SPEF2: variants seen among roughly 807,000 people sequenced by gnomAD.
SPEF2 encodes sperm flagella and cilia-associated protein 2.
In SPEF2, 187 loss-of-function variants were observed where a neutral mutation model predicts 224.6. The observed-to-expected ratio is 0.83, with a 90% CI of 0.74 to 0.94. The LOEUF (loss-of-function observed/expected upper bound fraction) is 0.94. Among genes scored for constraint, SPEF2 ranks in the 40% least tolerant of loss-of-function variants. The pLI is 0.00. For missense variants in SPEF2, 2,170 were observed against 2,135.6 expected (o/e 1.02, Z -0.32); for synonymous variants, 715 against 707.3 (o/e 1.01, Z -0.17).
At chr5:35,683,682 G>A (rs768043244) in intron 10 of SPEF2, among the ~76,000 whole-genome samples, 3 of 152,146 alleles carry the variant, frequency 2.0e-5, no homozygotes, top group Admixed American at 6.5e-5. Flanking sequence ...TTTTGACCAC[G>A]GGCAGAGTCT....
chr5:35,644,280 A>G lies in SPEF2; in HGVS notation c.415-75A>G, dbSNP rs1747032680. The G allele has an allele frequency of 1.1e-5, 14 of 1,274,502 alleles. 1 individual carries two copies. The South Asian group carries it at 2.7e-4, about 25-fold the overall frequency. 78.9% of individuals were successfully genotyped at this position (1,274,502 alleles called of 1,614,324 possible). On this transcript the variant is annotated intron_variant, in intron 3 of 36. Coordinates refer to ENST00000356031, the MANE Select transcript of SPEF2 (RefSeq NM_024867.4). ...TTAAAGAATTTCATTTTGAAGACAA[A>G]TTTTATTTGTGCTTATAATGAAAAT...
intron 8 of SPEF2, among the ~76,000 whole-genome samples, chr5:35,660,379 G>A (rs915690465): frequency 6.6e-6 from 1 of 152,154 alleles, no homozygotes; most frequent in African/African-American, 2.4e-5. Context: ...GGAGGGCAGT[G>A]TTTTATTTAC....
rs1554053681 is a variant in SPEF2 at position 35,769,989 on chromosome 5, A to ATATCTGTGTGTGTGTG, written c.3802-1619_3802-1618insATCTGTGTGTGTGTGT. The stretch of plus-strand genomic sequence containing the variant: ...ACCCTGTGTTGCTACTGCCTCCATA[A>ATATCTGTGTGTGTGTG]TGTGTGTGTGTGTGTGTGTGTGTGT... On this transcript the variant is annotated intron_variant, in intron 26 of 36. Coordinates refer to ENST00000356031, the MANE Select transcript of SPEF2 (RefSeq NM_024867.4). 1.6e-4 allele frequency among the ~76,000 whole-genome samples: 23 copies of ATATCTGTGTGTGTGTG among 142,258 alleles called. 1 individual carries two copies. Among genetic ancestry groups the ATATCTGTGTGTGTGTG allele is most frequent in the African/African-American group, 2.7e-4 (10 of 37,546 alleles). 93.3% of individuals were successfully genotyped at this position (142,258 alleles called of 152,430 possible). A position where few individuals can be genotyped will look rare whatever the true frequency, so the allele number is the denominator to read the frequency against.
chr5:35,751,063 A>ACATACG lies in SPEF2; in HGVS notation c.3331-2561_3331-2560insCATACG, dbSNP rs1749485959. 1.8e-4 allele frequency among the ~76,000 whole-genome samples: 5 copies of ACATACG among 28,414 alleles called. 1 individual carries two copies. Among genetic ancestry groups the ACATACG allele is most frequent in the East Asian group, 1.0e-3 (1 of 998 alleles). The allele number at this position is 28,414 out of a possible 152,430, so 18.6% of individuals were successfully genotyped here. ...CATATGTATATATATATACGTATATATATGTATATATATATACACACACAC... is the reference window on the plus strand; with the variant it reads ...CATATGTATATATATATACGTATATACATACGTATGTATATATATATACACACACAC... On this transcript the variant is annotated intron_variant, in intron 23 of 36. Transcript: ENST00000356031.
At chr5:35,618,208 T>G (rs1288089532) in intron 1 of SPEF2, among the ~76,000 whole-genome samples, 153 bp downstream of exon 1, 1 of 152,168 alleles carries the variant, frequency 6.6e-6, no homozygotes, top group South Asian at 2.1e-4. Context: ...AGTGAGCAAC[T>G]CGGCTCGGCG....
At chr5:35,656,045 TATTG>T (rs1554021605) in intron 7 of SPEF2, among the ~76,000 whole-genome samples, 1 of 152,126 alleles carries the variant, frequency 6.6e-6, no homozygotes, top group Non-Finnish European at 1.5e-5. Context: ...CAATAAGACT[TATTG>T]ATTCATTAAA....
At chr5:35,683,888 T>A (rs1561191759) in intron 10 of SPEF2, 1 of 152,228 alleles carries the variant, frequency 6.6e-6, no homozygotes, top group Non-Finnish European at 1.5e-5. Flanking sequence ...ATTTCCTGCA[T>A]GTTCATGACA....
chr5:35,716,886 G>A (rs566839359), intron 20 of SPEF2, among the ~76,000 whole-genome samples: 24 of 151,896 alleles, frequency 1.6e-4, no homozygotes, highest in African/African-American at 5.6e-4. Flanking sequence ...TCCTGCTGTC[G>A]ATGTCTTTGA....
At chr5:35,789,864 A>G (rs370931390) in intron 30 of SPEF2, 12 of 702,932 alleles carry the variant, frequency 1.7e-5, no homozygotes, top group South Asian at 3.0e-5. Flanking sequence ...GAAGCTGCCA[A>G]TGTGAAACTT....
intron 10 of SPEF2, among the ~76,000 whole-genome samples, chr5:35,681,696 A>AT (rs577087355): frequency 1.3e-5 from 2 of 152,200 alleles, no homozygotes; most frequent in African/African-American, 2.4e-5. Context: ...GATTTCATAA[A>AT]TTTTTTTTGT....
At chr5:35,651,084 G>A (rs571032684) in intron 6 of SPEF2, among the ~76,000 whole-genome samples, 86 of 152,250 alleles carry the variant, frequency 5.6e-4, no homozygotes, top group African/African-American at 2.0e-3. Context: ...AAGGAAGACA[G>A]ACAAAAAAGT....
At chr5:35,732,488 G>A (rs1404967462) in intron 21 of SPEF2, among the ~76,000 whole-genome samples, 1 of 151,996 alleles carries the variant, frequency 6.6e-6, no homozygotes, top group Non-Finnish European at 1.5e-5. Flanking sequence ...ATGTTAGAGG[G>A]GCATTAAAAG....
At chr5:35,647,050 C>G (rs1225956882) in intron 5 of SPEF2, among the ~76,000 whole-genome samples, 1 of 150,862 alleles carries the variant, frequency 6.6e-6, no homozygotes, top group Non-Finnish European at 1.5e-5. Flanking sequence ...AAATGGCAGT[C>G]TGGACTCCTG....
At chr5:35,813,030 A>C (rs900727712) in intron 36 of SPEF2, among the ~76,000 whole-genome samples, 1 of 152,232 alleles carries the variant, frequency 6.6e-6, no homozygotes, top group African/African-American at 2.4e-5. Context: ...TCAGCTATAA[A>C]TTTAGCTAAG....
chr5:35,736,620 C>T (rs1329949708), intron 21 of SPEF2, among the ~76,000 whole-genome samples: 1 of 152,152 alleles, frequency 6.6e-6, no homozygotes, highest in East Asian at 1.9e-4. Flanking sequence ...AGGTCCTTCC[C>T]TTGACACATG....
rs1750611605 is a variant in SPEF2 at position 35,667,278 on chromosome 5, A to G, written c.1355+19A>G. The G allele has an allele frequency of 1.3e-6, 2 of 1,577,412 alleles. No individual in the cohort carries two copies. The highest frequency in any genetic ancestry group is 1.1e-5 in the South Asian group (1 of 86,960). ...CAAATAAGTAAGTATTTTTTTTGTA[A>G]TAACAGTAGAGACACGATAGAGAAT... is the stretch of plus-strand genomic sequence containing the variant. On this transcript the variant is annotated intron_variant, in intron 9 of 36. Transcript: ENST00000356031.
chr5:35,706,323 A>G (rs974620066), intron 18 of SPEF2, among the ~76,000 whole-genome samples: 2 of 151,786 alleles, frequency 1.3e-5, no homozygotes, highest in African/African-American at 4.8e-5. Flanking sequence ...TATTAAATTG[A>G]TTATTAATTA....
At chr5:35,793,922 G>A (rs1326029175) in intron 32 of SPEF2, among the ~76,000 whole-genome samples, 2 of 152,320 alleles carry the variant, frequency 1.3e-5, no homozygotes, top group African/African-American at 2.4e-5. Context: ...TCAATATCAT[G>A]TAAGTGGTTA....
intron 36 of SPEF2, among the ~76,000 whole-genome samples, chr5:35,811,144 G>T (rs976465725): frequency 4.6e-5 from 7 of 151,716 alleles, no homozygotes; most frequent in African/African-American, 1.5e-4. Flanking sequence ...AAGGAATGGA[G>T]AGAAAAGAAT....
Sources: allele counts gnomAD v4.1 joint callset (sites outside exome capture counted in the v4.1 genomes callset), GRCh38; gene constraint gnomAD v4.1.1; transcripts MANE v1.5; gene names NCBI Gene and HGNC (gene_info 2026-07-23, HGNC 2026-07-21).